Variants in NCAPD3 observed in about 807,000 individuals in gnomAD.
NCAPD3 encodes the protein non-SMC condensin II complex subunit D3.
In NCAPD3, 105 loss-of-function variants were observed where a neutral mutation model predicts 182.9. The ratio of observed to expected loss-of-function variants is 0.57; its 90% CI spans 0.49 to 0.68. NCAPD3 has a LOEUF of 0.68. Ranked by LOEUF, NCAPD3 falls within the 30% of genes least tolerant of loss-of-function variation. NCAPD3 has a pLI of 0.00. For missense variants in NCAPD3, 1,944 were observed against 1,837.0 expected, an observed-to-expected ratio of 1.06 and a Z score of -1.07; for synonymous variants, 815 against 679.9, an observed-to-expected ratio of 1.20 and a Z score of -3.09.
chr11:134,168,772 A>G (rs1051315552), intron 25 of NCAPD3, 145 bp downstream of exon 25: 4 of 1,367,252 alleles, frequency 2.9e-6, no homozygotes, highest in Non-Finnish European at 4.0e-6. Flanking sequence ...TCACGACTGT[A>G]TTTTCTTACG....
chr11:134,168,846 A>G, intron 25 of NCAPD3, 71 bp downstream of exon 25: 2 of 1,541,474 alleles, frequency 1.3e-6, no homozygotes, highest in East Asian at 4.5e-5. Flanking sequence ...ACATGCAAAG[A>G]GCCTAACCTC....
chr11:134,225,040 C>T (rs1218931967), upstream of NCAPD3: 32 of 1,391,776 alleles, frequency 2.3e-5, no homozygotes, highest in Non-Finnish European at 3.0e-5. Context: ...GCATCGGGCC[C>T]TCTGGCCTTC....
intron 13 of NCAPD3, among the ~76,000 whole-genome samples, chr11:134,202,028 C>G (rs369075402): frequency 6.6e-6 from 1 of 152,200 alleles, no homozygotes; most frequent in Admixed American, 6.5e-5. Context: ...TATGAGAACA[C>G]TTGTGTGCAC....
chr11:134,170,405 C>G (rs1349470476), intron 24 of NCAPD3, among the ~76,000 whole-genome samples: 1 of 152,112 alleles, frequency 6.6e-6, no homozygotes, highest in Non-Finnish European at 1.5e-5. Context: ...TATTTCTAAA[C>G]AAGGGTTACT....
rs570005283 is a variant in NCAPD3, at chr11:134,216,252, C to G, written c.382+684G>C. ...CATTCCCAGATCACATGGAATAAAT[C>G]CTTTGCTAAACATTTGTAATTAAAC... is the stretch of plus-strand genomic sequence containing the variant. On this transcript the variant is annotated intron_variant, in intron 3 of 34. Coordinates refer to ENST00000534548, the MANE Select transcript of NCAPD3 (RefSeq NM_015261.3). Among the ~76,000 whole-genome samples, 3 of 152,308 alleles carry G rather than the reference C, an allele frequency of 2.0e-5. No homozygotes were observed. The South Asian group carries it at 6.2e-4, about 32-fold the overall frequency.
intron 32 of NCAPD3, among the ~76,000 whole-genome samples, chr11:134,155,861 G>T (rs1344747954): frequency 6.6e-6 from 1 of 151,744 alleles, no homozygotes; most frequent in Non-Finnish European, 1.5e-5. Flanking sequence ...TGTCGTCTGA[G>T]GGTGGGGGTG....
chr11:134,175,198 G>A (rs181598928), intron 24 of NCAPD3, among the ~76,000 whole-genome samples: 13 of 152,116 alleles, frequency 8.5e-5, no homozygotes, highest in African/African-American at 1.9e-4. Flanking sequence ...TAACAACAGC[G>A]GGGAAAAATG....
intron 24 of NCAPD3, among the ~76,000 whole-genome samples, chr11:134,169,785 T>A (rs1337667474): frequency 3.3e-5 from 5 of 152,218 alleles, no homozygotes; most frequent in Admixed American, 6.5e-5. Context: ...TTCATCACGA[T>A]AGTAGGTGAC....
chr11:134,165,499 T>C (rs1195558981), intron 27 of NCAPD3, among the ~76,000 whole-genome samples: 1 of 133,818 alleles, frequency 7.5e-6, no homozygotes, highest in Non-Finnish European at 1.6e-5. Flanking sequence ...ACTTGTGAGA[T>C]GAGCTTACGG....
chr11:134,164,667 G>T (rs1052520447), intron 27 of NCAPD3, among the ~76,000 whole-genome samples: 1 of 145,922 alleles, frequency 6.9e-6, no homozygotes, highest in Non-Finnish European at 1.5e-5. Flanking sequence ...ACATGAGCTT[G>T]GGGGAGCTGC....
chr11:134,201,714 G>A (rs1320651201), intron 13 of NCAPD3, among the ~76,000 whole-genome samples: 1 of 152,136 alleles, frequency 6.6e-6, no homozygotes, highest in East Asian at 1.9e-4. Flanking sequence ...ACTTGATATT[G>A]CTTGAAAAAG....
chr11:134,224,386 C>T (rs1338096289), upstream of NCAPD3: 2 of 211,240 alleles, frequency 9.5e-6, no homozygotes, highest in Non-Finnish European at 1.9e-5. Flanking sequence ...GGCAGCCCAA[C>T]GTGTATCGAG....
chr11:134,152,758 G>A lies in NCAPD3; in HGVS notation c.*186C>T. 1 of 507,354 alleles carries A rather than the reference G, an allele frequency of 2.0e-6. No individual in the cohort carries two copies. The highest frequency in any genetic ancestry group is 3.4e-6 in the Non-Finnish European group (1 of 290,196). 31.4% of individuals were successfully genotyped at this position (507,354 alleles called of 1,614,324 possible). Reference sequence around the variant, plus strand: ...TCTGGCACATCTCTATTATTTGACAGTGTTTAACCAAATACATCATACAGA... The same window carrying A: ...TCTGGCACATCTCTATTATTTGACAATGTTTAACCAAATACATCATACAGA... On this transcript the variant is annotated 3_prime_UTR_variant, in exon 35 of 35. Coordinates refer to ENST00000534548, the MANE Select transcript of NCAPD3 (RefSeq NM_015261.3).
At position 134,170,610 on chromosome 11, in the gene NCAPD3, G is replaced by T. The variant is rs61554947; in HGVS notation, c.3102-1556C>A. On this transcript the variant is annotated intron_variant, in intron 24 of 34. Transcript: ENST00000534548. ...TCAGCAAATCTTCCACAAGAAGAGG[G>T]TTCCCTCTGAGTTTGGACTTATGTC... Among the ~76,000 whole-genome samples the T allele has an allele frequency of 8.4e-3, 1,280 of 152,356 alleles. 18 individuals are homozygous for T. Among genetic ancestry groups the T allele is most frequent in the African/African-American group, 0.029 (1,190 of 41,582 alleles).
At chr11:134,167,922 C>G (rs1204109692) in intron 27 of NCAPD3, 74 bp downstream of exon 27, 2 of 1,393,774 alleles carry the variant, frequency 1.4e-6, no homozygotes, top group Non-Finnish European at 2.0e-6. Context: ...GGGAGGTGCA[C>G]ACTCGTGAGA....
At chr11:134,165,863 C>T (rs539854760) in intron 27 of NCAPD3, among the ~76,000 whole-genome samples, 2 of 109,246 alleles carry the variant, frequency 1.8e-5, no homozygotes, top group East Asian at 5.8e-4. Flanking sequence ...CTTAGGGGAG[C>T]TGCACACTCA....
intron 26 of NCAPD3, 94 bp downstream of exon 26, chr11:134,168,375 C>T: frequency 6.4e-7 from 1 of 1,563,072 alleles, no homozygotes; most frequent in Non-Finnish European, 8.8e-7. Flanking sequence ...CCTGCAGTGC[C>T]AGGGTCTCCC....
chr11:134,165,612 C>G (rs1352772218), intron 27 of NCAPD3, among the ~76,000 whole-genome samples: 47 of 101,816 alleles, frequency 4.6e-4, no homozygotes, highest in East Asian at 6.5e-4. Flanking sequence ...TTGGGGGAGG[C>G]GCACACTCGT....
At chr11:134,223,795 T>A in intron 1 of NCAPD3, 68 bp downstream of exon 1, 2 of 1,348,432 alleles carry the variant, frequency 1.5e-6, no homozygotes, top group Non-Finnish European at 2.1e-6. Context: ...CGGCCCGGGC[T>A]TAGGCATCGT....
Sources: gnomAD v4.1 joint callset for allele counts (sites outside exome capture counted in the v4.1 genomes callset) on GRCh38, gnomAD v4.1.1 for gene constraint, MANE v1.5 for transcripts, NCBI Gene and HGNC (gene_info 2026-07-23, HGNC 2026-07-21) for gene names.